Variants in EIF2B3 observed in about 807,000 individuals in gnomAD.
The protein encoded by EIF2B3 is translation initiation factor eIF2B subunit gamma.
Under a neutral mutation model 54.1 loss-of-function variants are expected in EIF2B3, and 20 were observed. The ratio of observed to expected loss-of-function variants is 0.37; its 90% confidence interval spans 0.26 to 0.54. The LOEUF (loss-of-function observed/expected upper bound fraction) is 0.54. Among genes scored for constraint, EIF2B3 ranks in the 20% least tolerant of loss-of-function variants. EIF2B3 has a pLI of 0.86. For synonymous variants in EIF2B3, 153 were observed against 188.1 expected (o/e 0.81, Z 1.52); for missense variants, 448 against 547.8 (o/e 0.82, Z 1.82).
In EIF2B3 at chr1:44,920,482, T is replaced by C. The variant is rs529169859; in HGVS notation, c.566+6146A>G. Among the ~76,000 whole-genome samples, 277 of 152,274 alleles carry C rather than the reference T, an allele frequency of 1.8e-3. 2 individuals carry two copies. Among genetic ancestry groups the C allele is most frequent in the Non-Finnish European group, 3.4e-3 (232 of 68,018 alleles). The stretch of plus-strand genomic sequence containing the variant: ...CTAGCAAATATTAGGTTTTATTCAT[T>C]CTTTCTAACTAATTTTTTGTACCCA... On this transcript the variant is annotated intron_variant, in intron 5 of 11. Transcript: ENST00000360403.
intron 2 of EIF2B3, among the ~76,000 whole-genome samples, chr1:44,979,206 C>T (rs529703808): frequency 1.3e-5 from 2 of 150,456 alleles, no homozygotes; most frequent in Admixed American, 1.3e-4. Context: ...CCAAGATCAC[C>T]CCACTGCACT....
At chr1:44,852,795 A>C (rs968991514) in intron 11 of EIF2B3, among the ~76,000 whole-genome samples, 1 of 151,832 alleles carries the variant, frequency 6.6e-6, no homozygotes, top group Admixed American at 6.6e-5. Flanking sequence ...AAAAAAAAAA[A>C]ACAAACCAAG....
intron 6 of EIF2B3, among the ~76,000 whole-genome samples, chr1:44,883,091 G>A (rs1234365106): frequency 6.6e-6 from 1 of 151,586 alleles, no homozygotes; most frequent in African/African-American, 2.4e-5. Context: ...ACCATGCCTG[G>A]CTAATTTTTG....
chr1:44,859,900 G>A (rs1654554390), intron 10 of EIF2B3, among the ~76,000 whole-genome samples: 1 of 151,578 alleles, frequency 6.6e-6, no homozygotes, highest in Non-Finnish European at 1.5e-5. Flanking sequence ...GGGATTACAG[G>A]TGCCTGCCAC....
intron 5 of EIF2B3, among the ~76,000 whole-genome samples, chr1:44,916,660 AAAAC>A (rs1267305456): frequency 6.6e-6 from 1 of 151,004 alleles, no homozygotes; most frequent in Non-Finnish European, 1.5e-5. Context: ...CTCGCAACAA[AAAAC>A]AAACAAAAAT....
intron 4 of EIF2B3, among the ~76,000 whole-genome samples, chr1:44,930,414 T>G (rs1358173921): frequency 1.3e-5 from 2 of 152,200 alleles, no homozygotes; most frequent in African/African-American, 2.4e-5. Flanking sequence ...TTCCCTATCC[T>G]TTATATCTGG....
chr1:44,940,479 A>C (rs1644008218), intron 4 of EIF2B3: 1 of 152,192 alleles, frequency 6.6e-6, no homozygotes, highest in Admixed American at 6.5e-5. Flanking sequence ...CATGATTAAC[A>C]ACTATCAGCT....
In EIF2B3 at chr1:44,870,239, A is replaced by G. The variant is rs777432905; in HGVS notation, c.1202+4439T>C. ...CACACGAATGATTTGGGAAAGAGAC[A>G]AAGACTTTATCTCTGGGTCTGACCT... On this transcript the variant is annotated intron_variant, in intron 10 of 11. Coordinates refer to ENST00000360403, the MANE Select transcript of EIF2B3 (RefSeq NM_020365.5). Among the ~76,000 whole-genome samples the G allele has an allele frequency of 1.1e-4, 16 of 152,126 alleles. No individual in the cohort carries two copies. In the South Asian group the frequency reaches 1.5e-3, roughly 14 times the overall value.
intron 8 of EIF2B3, among the ~76,000 whole-genome samples, chr1:44,878,963 G>A (rs1385041741): frequency 6.6e-6 from 1 of 151,894 alleles, no homozygotes; most frequent in Non-Finnish European, 1.5e-5. Flanking sequence ...ATTTTGCCAT[G>A]TTGCCCAGGC....
chr1:44,854,834 C>T (rs913151888), intron 11 of EIF2B3, among the ~76,000 whole-genome samples: 4 of 151,854 alleles, frequency 2.6e-5, no homozygotes, highest in South Asian at 2.1e-4. Flanking sequence ...GGGATCCACC[C>T]GCCTCAGCCT....
At chr1:44,888,743 C>T (rs1655692015) in intron 6 of EIF2B3, among the ~76,000 whole-genome samples, 6 of 152,158 alleles carry the variant, frequency 3.9e-5, no homozygotes, top group Admixed American at 3.9e-4. Flanking sequence ...ACTGCAGGTC[C>T]TTGAAACAAA....
At chr1:44,958,719 C>G (rs911376141) in intron 3 of EIF2B3, 54 of 1,590,734 alleles carry the variant, frequency 3.4e-5, no homozygotes, top group Middle Eastern at 3.3e-4. Context: ...AAACAGTACC[C>G]TTTCTGGAAA....
At chr1:44,886,384 T>G (rs950914479) in intron 6 of EIF2B3, among the ~76,000 whole-genome samples, 2 of 152,176 alleles carry the variant, frequency 1.3e-5, no homozygotes, top group African/African-American at 4.8e-5. Flanking sequence ...CCGACCCCGA[T>G]TATTTTTAAA....
At chr1:44,888,902 A>G (rs1170562783) in intron 6 of EIF2B3, among the ~76,000 whole-genome samples, 2 of 152,224 alleles carry the variant, frequency 1.3e-5, no homozygotes, top group African/African-American at 4.8e-5. Context: ...AATTATCTTG[A>G]GTAGTTAAAA....
chr1:44,911,822 G>A (rs1643522090), intron 5 of EIF2B3, among the ~76,000 whole-genome samples: 1 of 150,838 alleles, frequency 6.6e-6, no homozygotes, highest in South Asian at 2.1e-4. Flanking sequence ...TCGTCATCTA[G>A]CATTAGGTAT....
At chr1:44,889,123 C>T (rs1387318636) in intron 6 of EIF2B3, among the ~76,000 whole-genome samples, 1 of 152,310 alleles carries the variant, frequency 6.6e-6, no homozygotes, top group African/African-American at 2.4e-5. Context: ...CCTCCATGAA[C>T]CATCTTGAAT....
chr1:44,927,568 GAGTGTCCTAT>G (rs1242181060), intron 4 of EIF2B3, among the ~76,000 whole-genome samples: 3 of 152,140 alleles, frequency 2.0e-5, no homozygotes, highest in African/African-American at 7.2e-5. Context: ...CTATACCAAT[GAGTGTCCTAT>G]AGCACATGCC....
At chr1:44,965,624 A>G (rs1383459808) in intron 3 of EIF2B3, among the ~76,000 whole-genome samples, 2 of 149,794 alleles carry the variant, frequency 1.3e-5, no homozygotes, top group African/African-American at 2.5e-5. Flanking sequence ...TCTGAGATGC[A>G]CAAATGCATC....
chr1:44,863,532 C>G (rs1654677302), intron 10 of EIF2B3, among the ~76,000 whole-genome samples: 1 of 152,060 alleles, frequency 6.6e-6, no homozygotes, highest in African/African-American at 2.4e-5. Context: ...CTGCATCTGG[C>G]AACCATGTAT....
Sources: gnomAD v4.1 joint callset for allele counts (sites outside exome capture counted in the v4.1 genomes callset) on GRCh38, gnomAD v4.1.1 for gene constraint, MANE v1.5 for transcripts, NCBI Gene and HGNC (gene_info 2026-07-23, HGNC 2026-07-21) for gene names.